Variants in UGT2B15 observed in about 807,000 individuals in gnomAD.
UGT2B15 encodes the protein UDP glucuronosyltransferase family 2 member B15.
UGT2B15 carries 36 observed loss-of-function variants against 45.9 expected under a neutral mutation model. The observed-to-expected ratio is 0.78, with a 90% CI of 0.60 to 1.04. The LOEUF (loss-of-function observed/expected upper bound fraction) is 1.04, where lower values mean the gene tolerates loss of function less well. UGT2B15 is among the 50% of genes least tolerant of loss of function. The probability of loss-of-function intolerance (pLI) is 0.00; values close to 1 mark genes in which losing one functional copy is unlikely to be tolerated. For synonymous variants in UGT2B15, 219 were observed against 216.4 expected (o/e 1.01, Z -0.11); for missense variants, 617 against 622.4 (o/e 0.99, Z 0.09).
At position 68,654,116 on chromosome 4, in the gene UGT2B15, C is replaced by A. The variant is rs1732733208; in HGVS notation, c.1234G>T (p.Ala412Ser). The A allele has an allele frequency of 6.2e-7, 1 of 1,613,560 alleles. No individual in the cohort carries two copies. The highest frequency in any genetic ancestry group is 1.7e-5 in the Admixed American group (1 of 59,942). ...GTCCTGATGTCCACACTGAGGGCTG[C>A]TCCCTTGGCTTTCATGTGAGCAATG... ...DNIAHMKAKG[A>S]ALSVDIRTMS... is the part of the protein sequence containing the mutation. Residue 412 changes from alanine to serine, a missense_variant, in exon 5 of 6, where the codon GCA becomes TCA. Physicochemically the swap from Ala to Ser is moderately conservative, Grantham distance 99. Coordinates refer to ENST00000338206, the MANE Select transcript of UGT2B15 (RefSeq NM_001076.4).
At chr4:68,648,999 T>C (rs994468159) in intron 5 of UGT2B15, among the ~76,000 whole-genome samples, 8 of 152,022 alleles carry the variant, frequency 5.3e-5, no homozygotes, top group African/African-American at 1.4e-4. Context: ...TAGGTTTAAA[T>C]ATTTATTCAT....
rs747378153 is a variant in UGT2B15 at position 68,670,117 on chromosome 4, G to A, written c.502C>T (p.Pro168Ser). Residue 168 changes from proline (P) to serine (S), a missense_variant, in exon 1 of 6, where the codon CCC becomes TCC. Coordinates refer to ENST00000338206, the MANE Select transcript of UGT2B15 (RefSeq NM_001076.4). Reference sequence around the variant, plus strand: ...GAGAATCGAAGACTGTACAGAAAGGGTATGTTAAATAGTTCAGCCAGTAGC... The same window carrying A: ...GAGAATCGAAGACTGTACAGAAAGGATATGTTAAATAGTTCAGCCAGTAGC... ...GELLAELFNI[P>S]FLYSLRFSVG... 3 of 1,613,972 alleles carry A rather than the reference G, an allele frequency of 1.9e-6. No homozygotes were observed. Among genetic ancestry groups the A allele is most frequent in the African/African-American group, 2.7e-5 (2 of 74,908 alleles).
chr4:68,667,413 C>A lies in UGT2B15; in HGVS notation c.873+627G>T, dbSNP rs148994655. ...CTGGTCTCAAACTCCTGAGCCCAAG[C>A]AATCATGCCTTCTCTGCCTCCCAAA... is the stretch of plus-strand genomic sequence containing the variant. On this transcript the variant is annotated intron_variant, in intron 2 of 5. Transcript: ENST00000338206. 7.6e-3 allele frequency among the ~76,000 whole-genome samples: 1,150 copies of A among 151,970 alleles called. 22 individuals are homozygous for A. The East Asian group carries it at 0.079, about 10-fold the overall frequency.
In UGT2B15 at chr4:68,650,454, C is replaced by T. The variant is rs142803107; in HGVS notation, c.1314-3071G>A. ...GCGGATAATGGCTTTGCATTTCATC[C>T]GTGTCCCTGCAACAGACATGATCTC... On this transcript the variant is annotated intron_variant, in intron 5 of 5. Coordinates refer to ENST00000338206, the MANE Select transcript of UGT2B15 (RefSeq NM_001076.4). Among the ~76,000 whole-genome samples the T allele has an allele frequency of 3.8e-3, 575 of 152,132 alleles. 5 individuals carry two copies. The highest frequency in any genetic ancestry group is 0.013 in the African/African-American group (529 of 41,488).
At chr4:68,657,057 A>G (rs1429582399) in intron 3 of UGT2B15, among the ~76,000 whole-genome samples, 6 of 152,178 alleles carry the variant, frequency 3.9e-5, no homozygotes, top group Non-Finnish European at 7.4e-5. Context: ...GGTCTCCTCT[A>G]TTGTTTTTAT....
Position 68,657,667 on chromosome 4 carries a change from C to T in UGT2B15, c.1006-2485G>A, listed in dbSNP as rs545017684. 2.6e-5 allele frequency among the ~76,000 whole-genome samples: 4 copies of T among 152,092 alleles called. No individual in the cohort carries two copies. In the East Asian group the frequency reaches 5.8e-4, roughly 22 times the overall value. The stretch of plus-strand genomic sequence containing the variant: ...TCTTTGTGCACATATACATTAAGAA[C>T]CCTAGGTTGTCCTGCAAGCTATAGA... On this transcript the variant is annotated intron_variant, in intron 3 of 5. Transcript: ENST00000338206.
chr4:68,665,355 C>G (rs749516010), intron 2 of UGT2B15, among the ~76,000 whole-genome samples: 3 of 152,078 alleles, frequency 2.0e-5, no homozygotes, highest in Non-Finnish European at 4.4e-5. Context: ...CCAACTATAC[C>G]TGTACCACGG....
At chr4:68,669,751 T>C (rs1733244446) in intron 1 of UGT2B15, 144 bp downstream of exon 1, 2 of 1,242,614 alleles carry the variant, frequency 1.6e-6, no homozygotes, top group Non-Finnish European at 1.1e-6. Context: ...CTATAATATT[T>C]TTGAGACTGA....
At chr4:68,654,582 T>G (rs1158126329) in intron 4 of UGT2B15, among the ~76,000 whole-genome samples, 1 of 151,762 alleles carries the variant, frequency 6.6e-6, no homozygotes, top group Non-Finnish European at 1.5e-5. Context: ...AAATATTTAA[T>G]TTTTTTTAAA....
chr4:68,667,296 C>G (rs1014776974), intron 2 of UGT2B15, among the ~76,000 whole-genome samples: 4 of 151,706 alleles, frequency 2.6e-5, no homozygotes, highest in African/African-American at 7.3e-5. Flanking sequence ...TAAGTAGCTA[C>G]GACTATGAGA....
chr4:68,658,435 C>T (rs910869970), intron 3 of UGT2B15, among the ~76,000 whole-genome samples: 5 of 151,982 alleles, frequency 3.3e-5, no homozygotes, highest in African/African-American at 1.2e-4. Flanking sequence ...GAATTTCCAG[C>T]ATATATTTTT....
chr4:68,656,794 G>A (rs1732818968), intron 3 of UGT2B15, among the ~76,000 whole-genome samples: 1 of 151,838 alleles, frequency 6.6e-6, no homozygotes, highest in Non-Finnish European at 1.5e-5. Flanking sequence ...AGAGTTGTGG[G>A]CAGATTTTTT....
At position 68,648,104 on chromosome 4, in the gene UGT2B15, T is replaced by C. The variant is rs528628886; in HGVS notation, c.1314-721A>G. 2.2e-4 allele frequency among the ~76,000 whole-genome samples: 34 copies of C among 152,194 alleles called. No individual in the cohort carries two copies. In the East Asian group the frequency reaches 6.6e-3, roughly 29 times the overall value. Reference sequence around the variant, plus strand: ...GTTTCTCAGCTTCTACTCTAATCTTTTGTCTTCTACCATATTTTCCTTCTA... The same window carrying C: ...GTTTCTCAGCTTCTACTCTAATCTTCTGTCTTCTACCATATTTTCCTTCTA... On this transcript the variant is annotated intron_variant, in intron 5 of 5. Coordinates refer to ENST00000338206, the MANE Select transcript of UGT2B15 (RefSeq NM_001076.4).
At chr4:68,651,716 C>T (rs1732659730) in intron 5 of UGT2B15, among the ~76,000 whole-genome samples, 1 of 152,082 alleles carries the variant, frequency 6.6e-6, no homozygotes, top group South Asian at 2.1e-4. Context: ...GGCCTATGTT[C>T]TGTTCCATTG....
chr4:68,656,858 T>C (rs906114642), intron 3 of UGT2B15, among the ~76,000 whole-genome samples: 16 of 151,986 alleles, frequency 1.1e-4, no homozygotes, highest in African/African-American at 3.9e-4. Context: ...TCTTTGGCTT[T>C]GAGATTACCA....
At chr4:68,669,795 C>T (rs1389999878) in intron 1 of UGT2B15, 100 bp downstream of exon 1, 12 of 1,466,830 alleles carry the variant, frequency 8.2e-6, no homozygotes, top group Non-Finnish European at 1.0e-5. Flanking sequence ...CATAATTTCC[C>T]TTAAAAACAC....
chr4:68,652,548 C>T (rs1020273035), intron 5 of UGT2B15, among the ~76,000 whole-genome samples: 4 of 151,530 alleles, frequency 2.6e-5, no homozygotes, highest in African/African-American at 9.7e-5. Flanking sequence ...GCTGGTACCA[C>T]CTAACCTCAT....
At chr4:68,650,238 C>T (rs1732610927) in intron 5 of UGT2B15, among the ~76,000 whole-genome samples, 1 of 151,970 alleles carries the variant, frequency 6.6e-6, no homozygotes, top group Non-Finnish European at 1.5e-5. Context: ...TGGTGGTTTG[C>T]AGCACCGATC....
intron 5 of UGT2B15, among the ~76,000 whole-genome samples, 186 bp from the exon 6 acceptor site, chr4:68,647,569 A>G (rs1454598172): frequency 6.6e-6 from 1 of 152,124 alleles, no homozygotes; most frequent in Non-Finnish European, 1.5e-5. Flanking sequence ...TTGGAGTTTT[A>G]TCACTGACAA....
Sources: allele counts gnomAD v4.1 joint callset (sites outside exome capture counted in the v4.1 genomes callset), GRCh38; gene constraint gnomAD v4.1.1; transcripts MANE v1.5; gene names NCBI Gene and HGNC (gene_info 2026-07-23, HGNC 2026-07-21).